CD226: variants seen among roughly 807,000 people sequenced by gnomAD.
CD226 encodes CD226 antigen.
A neutral mutation model predicts 34.9 loss-of-function variants in CD226; 24 were observed. The ratio of observed to expected loss-of-function variants is 0.69; its 90% CI spans 0.50 to 0.97. The LOEUF is 0.97. Ranked by LOEUF, CD226 falls within the 50% of genes least tolerant of loss-of-function variation. The pLI, the probability that CD226 is intolerant of heterozygous loss-of-function variation, is 0.00. For missense variants in CD226, 397 were observed against 412.7 expected, an observed-to-expected ratio of 0.96 and a Z score of 0.33; for synonymous variants, 148 against 147.4, an observed-to-expected ratio of 1.00 and a Z score of -0.03.
rs919913070 is a variant in CD226, at chr18:69,923,750, G to A, written c.382+22984C>T. On this transcript the variant is annotated intron_variant, in intron 2 of 5. Coordinates refer to ENST00000582621, the MANE Select transcript of CD226 (RefSeq NM_001303618.2). ...GGGCGGATCACGAGGTCAGGAGATC[G>A]AGACCATCCCGGCTAAAAACGGTGA... is the stretch of plus-strand genomic sequence containing the variant. Among the ~76,000 whole-genome samples the A allele has an allele frequency of 8.5e-5, 13 of 152,086 alleles. No homozygotes were observed. In the East Asian group the frequency reaches 2.5e-3, roughly 29 times the overall value.
chr18:69,941,061 T>C (rs2055718210), intron 2 of CD226, among the ~76,000 whole-genome samples: 1 of 152,218 alleles, frequency 6.6e-6, no homozygotes, highest in Admixed American at 6.5e-5. Flanking sequence ...CCTTGACAGC[T>C]TACACGTGGT....
intron 2 of CD226, among the ~76,000 whole-genome samples, chr18:69,902,697 CT>C (rs1568182639): frequency 6.6e-6 from 1 of 151,902 alleles, no homozygotes; most frequent in Non-Finnish European, 1.5e-5. Context: ...TCAATAGCGC[CT>C]GCTCAGTCAG....
chr18:69,895,343 T>C (rs1245119629), intron 3 of CD226, among the ~76,000 whole-genome samples: 1 of 152,186 alleles, frequency 6.6e-6, no homozygotes, highest in Non-Finnish European at 1.5e-5. Context: ...TCTAACACCT[T>C]ATCACCACCA....
upstream of CD226, among the ~76,000 whole-genome samples, chr18:69,960,212 C>A (rs1256315522): frequency 1.3e-5 from 2 of 149,496 alleles, no homozygotes; most frequent in East Asian, 3.9e-4. Flanking sequence ...TGCACTCCAA[C>A]CTGGGTGACA....
At position 69,895,997 on chromosome 18, in the gene CD226, G is replaced by A. The variant is rs759175670; in HGVS notation, c.431C>T (p.Pro144Leu). 3.7e-6 allele frequency: 6 copies of A among 1,613,288 alleles called. No individual in the cohort carries two copies. Among genetic ancestry groups the A allele is most frequent in the African/African-American group, 1.3e-5 (1 of 74,886 alleles). ...VPSNSHIVSEPGKNVTLTCQP... is the reference protein window; with the variant it reads ...VPSNSHIVSELGKNVTLTCQP... Reference sequence around the variant, plus strand: ...ACAAGTGAGTGTGACATTCTTTCCAGGTTCCGAAACAATGTGGCTATTTGA... The same window carrying A: ...ACAAGTGAGTGTGACATTCTTTCCAAGTTCCGAAACAATGTGGCTATTTGA... Residue 144 changes from proline (P) to leucine (L), a missense_variant, in exon 3 of 6, where the codon CCT becomes CTT. Transcript: ENST00000582621.
intron 3 of CD226, among the ~76,000 whole-genome samples, chr18:69,878,309 A>G (rs1009189107): frequency 3.3e-5 from 5 of 152,168 alleles, no homozygotes; most frequent in South Asian, 2.1e-4. Flanking sequence ...CAGAAGATAA[A>G]TACAGTTAAA....
At chr18:69,869,206 G>T (rs939759211) in intron 4 of CD226, among the ~76,000 whole-genome samples, 5 of 152,156 alleles carry the variant, frequency 3.3e-5, no homozygotes, top group African/African-American at 1.2e-4. Context: ...ATGCAAGCAT[G>T]TGTTCATTGC....
chr18:69,928,360 G>A (rs1405954997), intron 2 of CD226, among the ~76,000 whole-genome samples: 4 of 152,080 alleles, frequency 2.6e-5, no homozygotes, highest in Non-Finnish European at 4.4e-5. Flanking sequence ...AACATTATTG[G>A]GATCATGAAG....
At chr18:69,934,287 C>G (rs1327818653) in intron 2 of CD226, among the ~76,000 whole-genome samples, 1 of 151,582 alleles carries the variant, frequency 6.6e-6, no homozygotes, top group Admixed American at 6.6e-5. Flanking sequence ...GATACACACA[C>G]ACACACACAC....
chr18:69,957,709 T>C (rs1007501868), upstream of CD226, among the ~76,000 whole-genome samples: 4 of 152,106 alleles, frequency 2.6e-5, no homozygotes, highest in African/African-American at 9.7e-5. Flanking sequence ...GACCACCGCA[T>C]ATACGAAAGC....
At chr18:69,887,380 A>G (rs1292203981) in intron 3 of CD226, among the ~76,000 whole-genome samples, 7 of 152,214 alleles carry the variant, frequency 4.6e-5, no homozygotes, top group African/African-American at 1.7e-4. Flanking sequence ...AATGCTCCAC[A>G]TAAGATGTGA....
chr18:69,948,358 G>C (rs1449006074), upstream of CD226, among the ~76,000 whole-genome samples: 2 of 152,144 alleles, frequency 1.3e-5, no homozygotes, highest in Non-Finnish European at 2.9e-5. Flanking sequence ...CCTACAAAAA[G>C]AGGAATTGTA....
chr18:69,935,685 T>G (rs17081891), intron 2 of CD226, among the ~76,000 whole-genome samples: 3,491 of 152,070 alleles, frequency 0.023, 124 homozygotes, highest in African/African-American at 0.078. Context: ...TCACTGAGAG[T>G]TGAAGGAGGA....
Position 69,854,320 on chromosome 18 carries a change from G to T in CD226, c.*9994C>A, listed in dbSNP as rs967359261. On this transcript the variant is annotated 3_prime_UTR_variant, in exon 6 of 6. Coordinates refer to ENST00000582621, the MANE Select transcript of CD226 (RefSeq NM_001303618.2). ...GTCAAAGCACTGGAGCCATAAACTA[G>T]TATGAGCCTTTATATGGTAAGTTGG... 2 of 152,300 alleles carry T rather than the reference G, an allele frequency of 1.3e-5. No individual in the cohort carries two copies. Among genetic ancestry groups the T allele is most frequent in the African/African-American group, 4.8e-5 (2 of 41,456 alleles). 9.4% of individuals were successfully genotyped at this position (152,300 alleles called of 1,614,324 possible).
Position 69,955,893 on chromosome 18 carries a change from G to A in CD226, c.-28+862C>T, listed in dbSNP as rs1160598215. Among the ~76,000 whole-genome samples, 7 of 146,112 alleles carry A rather than the reference G, an allele frequency of 4.8e-5. No homozygotes were observed. The Admixed American group carries it at 4.8e-4, about 10-fold the overall frequency. On this transcript the variant is annotated intron_variant, in intron 1 of 6. Coordinates refer to the CD226 transcript ENST00000280200. ...AAAAAAAAAAAAAAAAATTTCCTCAGGAACACAATAGTCTGGGTTTCTGCT... is the reference window on the plus strand; with the variant it reads ...AAAAAAAAAAAAAAAAATTTCCTCAAGAACACAATAGTCTGGGTTTCTGCT...
chr18:69,902,332 G>A (rs2055197592), intron 2 of CD226, among the ~76,000 whole-genome samples: 1 of 151,926 alleles, frequency 6.6e-6, no homozygotes, highest in Non-Finnish European at 1.5e-5. Flanking sequence ...TTCCCATCCT[G>A]CTCGGCCTCA....
At position 69,861,540 on chromosome 18, in the gene CD226, G is replaced by GTATATA. The variant is rs1448988776; in HGVS notation, c.*2773_*2774insTATATA. On this transcript the variant is annotated 3_prime_UTR_variant, in exon 6 of 6. Coordinates refer to ENST00000582621, the MANE Select transcript of CD226 (RefSeq NM_001303618.2). ...TATTATCCATCGATATAAATTATAT[G>GTATATA]TGTATATATATATGTATATATATAT... 1 of 45,790 alleles carries GTATATA rather than the reference G, an allele frequency of 2.2e-5. No individual in the cohort carries two copies. Among genetic ancestry groups the GTATATA allele is most frequent in the Non-Finnish European group, 4.8e-5 (1 of 20,720 alleles). 2.8% of individuals were successfully genotyped at this position (45,790 alleles called of 1,614,324 possible). A position where few individuals can be genotyped will look rare whatever the true frequency, so the allele number is the denominator to read the frequency against.
intron 2 of CD226, among the ~76,000 whole-genome samples, chr18:69,921,809 C>T (rs2145310897): frequency 6.6e-6 from 1 of 152,322 alleles, no homozygotes; most frequent in East Asian, 1.9e-4. Context: ...AGTCTTACTG[C>T]TCTACTGACT....
rs150473740 is a variant in CD226 at position 69,895,091 on chromosome 18, C to T, written c.727+610G>A. The stretch of plus-strand genomic sequence containing the variant: ...TGGTTCTTATAGTATGTTTGGGGGT[C>T]CCTGAGGATCCCTGTGTCCCTTTTG... On this transcript the variant is annotated intron_variant, in intron 3 of 5. Coordinates refer to ENST00000582621, the MANE Select transcript of CD226 (RefSeq NM_001303618.2). Among the ~76,000 whole-genome samples, 874 of 152,198 alleles carry T rather than the reference C, an allele frequency of 5.7e-3. 13 individuals are homozygous for T. The highest frequency in any genetic ancestry group is 0.02 in the African/African-American group (840 of 41,512).
Sources: allele counts gnomAD v4.1 joint callset (sites outside exome capture counted in the v4.1 genomes callset), GRCh38; gene constraint gnomAD v4.1.1; transcripts MANE v1.5; gene names NCBI Gene and HGNC (gene_info 2026-07-23, HGNC 2026-07-21).